Variants in ANKRD31 observed in about 807,000 individuals in gnomAD.
The protein encoded by ANKRD31 is ankyrin repeat domain-containing protein 31.
A neutral mutation model predicts 186.0 loss-of-function variants in ANKRD31; 147 were observed. That is an observed-to-expected ratio of 0.79 (90% CI 0.69 to 0.91). ANKRD31 has a LOEUF of 0.91. Among genes scored for constraint, ANKRD31 ranks in the 40% least tolerant of loss-of-function variants. ANKRD31 has a pLI of 0.00. For missense variants in ANKRD31, 1,986 were observed against 2,148.8 expected (o/e 0.92, Z 1.50); for synonymous variants, 673 against 736.4 (o/e 0.91, Z 1.39).
At chr5:75,163,887 C>A (rs1017885524) in intron 11 of ANKRD31, among the ~76,000 whole-genome samples, 1 of 152,176 alleles carries the variant, frequency 6.6e-6, no homozygotes, top group African/African-American at 2.4e-5. Flanking sequence ...CAGTTAAGAA[C>A]CCCTGGTGGC....
rs776790351 is a variant in ANKRD31 at position 75,169,035 on chromosome 5, T to C, written c.1651A>G (p.Lys551Glu). ...LLKGGADVNI[K>E]GLYQITPLHD... ...AGGGGAGTAATCTGGTATAATCCTT[T>C]GATATTTACATCTGCTCCACCTTTT... Residue 551 changes from lysine (K) to glutamate (E), a missense_variant, in exon 11 of 26, where the codon AAA becomes GAA. By Grantham distance (56) the Lys-to-Glu change is moderately conservative. Coordinates refer to ENST00000506364, the MANE Select transcript of ANKRD31 (RefSeq NM_001372053.1). 1.6e-5 allele frequency: 25 copies of C among 1,536,746 alleles called. No homozygotes were observed. Among genetic ancestry groups the C allele is most frequent in the Non-Finnish European group, 2.0e-5 (23 of 1,146,458 alleles).
intron 7 of ANKRD31, among the ~76,000 whole-genome samples, chr5:75,195,182 A>T (rs1345861550): frequency 9.2e-5 from 14 of 152,086 alleles, no homozygotes; most frequent in Non-Finnish European, 1.5e-4. Flanking sequence ...TGGCATCCCA[A>T]CTGCATATAT....
At chr5:75,133,363 C>T (rs952177641) in intron 17 of ANKRD31, among the ~76,000 whole-genome samples, 4 of 152,064 alleles carry the variant, frequency 2.6e-5, no homozygotes, top group African/African-American at 9.7e-5. Context: ...TATTGCAATT[C>T]TAGTCTCTGC....
At chr5:75,216,649 T>G (rs1405084573) in intron 3 of ANKRD31, among the ~76,000 whole-genome samples, 1 of 152,190 alleles carries the variant, frequency 6.6e-6, no homozygotes, top group Non-Finnish European at 1.5e-5. Context: ...TACACTTTCC[T>G]AAGTATGATA....
chr5:75,107,713 G>T (rs1034453284), intron 20 of ANKRD31, 96 bp from the exon 21 acceptor site: 7 of 681,944 alleles, frequency 1.0e-5, no homozygotes, highest in Non-Finnish European at 1.7e-5. Context: ...TTTAAAAAGC[G>T]TTATTCCCTA....
chr5:75,144,730 C>G lies in ANKRD31; in HGVS notation c.3425-559G>C, dbSNP rs1751306762. Among the ~76,000 whole-genome samples, 3 of 151,964 alleles carry G rather than the reference C, an allele frequency of 2.0e-5. No homozygotes were observed. In the South Asian group the frequency reaches 6.2e-4, roughly 32 times the overall value. On this transcript the variant is annotated intron_variant, in intron 14 of 25. Coordinates refer to ENST00000506364, the MANE Select transcript of ANKRD31 (RefSeq NM_001372053.1). ...ACACCAAAAGCAATGGCAACAAAAG[C>G]CAAAATTGATAAATGGGATCTAATT...
intron 20 of ANKRD31, 41 bp downstream of exon 20, chr5:75,112,472 G>A (rs1747866110): frequency 2.3e-6 from 3 of 1,294,538 alleles, no homozygotes; most frequent in Non-Finnish European, 1.1e-6. Flanking sequence ...ATGACCTTGG[G>A]TATCTGAAAA....
chr5:75,175,891 A>G (rs1228923170), intron 10 of ANKRD31, among the ~76,000 whole-genome samples: 1 of 152,130 alleles, frequency 6.6e-6, no homozygotes, highest in Non-Finnish European at 1.5e-5. Flanking sequence ...TGGGTGCAGG[A>G]CAGTGGGTGT....
chr5:75,185,737 A>G (rs967261890), intron 10 of ANKRD31, among the ~76,000 whole-genome samples: 11 of 152,078 alleles, frequency 7.2e-5, no homozygotes, highest in Non-Finnish European at 1.6e-4. Context: ...CTCTGATTTG[A>G]TCATTACACA....
intron 10 of ANKRD31, among the ~76,000 whole-genome samples, chr5:75,169,890 C>T (rs756757147): frequency 1.6e-4 from 25 of 152,208 alleles, no homozygotes; most frequent in Non-Finnish European, 1.6e-4. Context: ...GTAGAAACTC[C>T]TATCCTAGTT....
At chr5:75,092,572 A>G (rs925827770) in intron 22 of ANKRD31, among the ~76,000 whole-genome samples, 1 of 152,222 alleles carries the variant, frequency 6.6e-6, no homozygotes, top group African/African-American at 2.4e-5. Context: ...TGGGGACTTC[A>G]CTAAAACAAT....
chr5:75,146,078 T>A lies in ANKRD31; in HGVS notation c.3333A>T (p.Ile1111=), dbSNP rs1751411198. 1 of 1,533,716 alleles carries A rather than the reference T, an allele frequency of 6.5e-7. No individual in the cohort carries two copies. ...NHLESETIHN[I]DSHSTDNMSK... is the part of the protein sequence containing the mutation. ...TCATATTGTCAGTGGAATGAGAATC[T>A]ATATTGTGTATAGTCTCACTTTCTA... Residue 1111 remains isoleucine, a synonymous_variant, in exon 14 of 26, where the codon ATA becomes ATT. Transcript: ENST00000506364.
chr5:75,115,179 T>C (rs1456647748), intron 19 of ANKRD31, among the ~76,000 whole-genome samples: 6 of 150,300 alleles, frequency 4.0e-5, no homozygotes, highest in African/African-American at 2.4e-5. Flanking sequence ...ATTTAATAAA[T>C]GGTGCTGGGA....
chr5:75,110,971 A>G (rs1747734186), intron 20 of ANKRD31, among the ~76,000 whole-genome samples: 1 of 151,830 alleles, frequency 6.6e-6, no homozygotes, highest in African/African-American at 2.4e-5. Flanking sequence ...CAACTCTGTT[A>G]ATCTTTCCTA....
intron 17 of ANKRD31, 148 bp from the exon 18 acceptor site, chr5:75,118,445 T>G (rs1482648501): frequency 1.3e-5 from 10 of 755,374 alleles, no homozygotes; most frequent in Non-Finnish European, 1.2e-5. Context: ...AAAATTGATG[T>G]GGCAATTGCA....
intron 12 of ANKRD31, among the ~76,000 whole-genome samples, chr5:75,148,868 T>G (rs992576969): frequency 6.6e-6 from 1 of 151,950 alleles, no homozygotes; most frequent in African/African-American, 2.4e-5. Flanking sequence ...ACAGAATAAC[T>G]AATACTAAAG....
chr5:75,219,568 T>C (rs939056012), intron 3 of ANKRD31, among the ~76,000 whole-genome samples: 25 of 152,166 alleles, frequency 1.6e-4, no homozygotes, highest in Non-Finnish European at 4.4e-5. Context: ...CTCAATATCG[T>C]TAAAATGGGC....
At chr5:75,081,136 G>A (rs6453110) in intron 24 of ANKRD31, among the ~76,000 whole-genome samples, 152,213 of 152,388 alleles carry the variant, frequency 1, 76,019 homozygotes, top group Middle Eastern at 1. Flanking sequence ...AGGAGATTCA[G>A]ACAAAATTCC....
chr5:75,122,244 C>A (rs1039376301), intron 17 of ANKRD31, among the ~76,000 whole-genome samples: 2 of 151,204 alleles, frequency 1.3e-5, no homozygotes, highest in Admixed American at 6.6e-5. Flanking sequence ...AAAGACTGAA[C>A]CTTGAAGAAC....
Sources: allele counts gnomAD v4.1 joint callset (sites outside exome capture counted in the v4.1 genomes callset), GRCh38; gene constraint gnomAD v4.1.1; transcripts MANE v1.5; gene names NCBI Gene and HGNC (gene_info 2026-07-23, HGNC 2026-07-21).